Variants in PTPRD observed in about 807,000 individuals in gnomAD.
The protein encoded by PTPRD is receptor-type tyrosine-protein phosphatase delta.
In PTPRD, 34 loss-of-function variants were observed where a neutral mutation model predicts 214.5. The observed-to-expected ratio is 0.16, with a 90% CI of 0.12 to 0.21. The LOEUF (loss-of-function observed/expected upper bound fraction) is 0.21. Ranked by LOEUF, PTPRD falls within the 10% of genes least tolerant of loss-of-function variation. The pLI is 1.00. For synonymous variants in PTPRD, 1,128 were observed against 845.7 expected, an observed-to-expected ratio of 1.33 and a Z score of -5.79; for missense variants, 2,545 against 2,398.7, an observed-to-expected ratio of 1.06 and a Z score of -1.27.
chr9:8,823,482 C>G, intron 11 of PTPRD, among the ~76,000 whole-genome samples: 1 of 152,156 alleles, frequency 6.6e-6, no homozygotes, highest in Non-Finnish European at 1.5e-5. Context: ...CCTTCCCCAT[C>G]TCAAGAAATC....
At chr9:9,595,443 C>T (rs1263363048) in intron 7 of PTPRD, among the ~76,000 whole-genome samples, 5 of 149,310 alleles carry the variant, frequency 3.3e-5, no homozygotes, top group Non-Finnish European at 7.4e-5. Flanking sequence ...CACGTGTACA[C>T]ATGCATACAC....
intron 4 of PTPRD, among the ~76,000 whole-genome samples, chr9:10,003,852 T>C (rs1205479670): frequency 6.6e-6 from 1 of 151,740 alleles, no homozygotes; most frequent in Non-Finnish European, 1.5e-5. Context: ...TTTAATACCC[T>C]AATGGCCAAA....
chr9:10,181,227 G>C (rs988990793), intron 3 of PTPRD, among the ~76,000 whole-genome samples: 1 of 152,038 alleles, frequency 6.6e-6, no homozygotes, highest in Non-Finnish European at 1.5e-5. Context: ...AATTTTATAT[G>C]AGCAATTTTC....
rs75711795 is a variant in PTPRD, at chr9:8,625,623, A to G, written c.352+7694T>C. Among the ~76,000 whole-genome samples the G allele has an allele frequency of 9.4e-3, 1,428 of 151,846 alleles. 15 individuals carry two copies. The highest frequency in any genetic ancestry group is 0.043 in the East Asian group (222 of 5,142). On this transcript the variant is annotated intron_variant, in intron 14 of 45. Coordinates refer to ENST00000381196, the MANE Select transcript of PTPRD (RefSeq NM_002839.4). ...CAGACATCATCAGACATGTGAGAAA[A>G]ATCTCAATAGTGCTACACTTATGAC...
chr9:8,464,591 T>C (rs555032552), intron 32 of PTPRD, among the ~76,000 whole-genome samples: 2 of 152,056 alleles, frequency 1.3e-5, no homozygotes, highest in Admixed American at 1.3e-4. Context: ...CTGGCTCAAC[T>C]GGGTTGCCAC....
intron 3 of PTPRD, among the ~76,000 whole-genome samples, chr9:10,035,415 G>A (rs998156307): frequency 6.6e-6 from 1 of 151,958 alleles, no homozygotes; most frequent in African/African-American, 2.4e-5. Context: ...TTCTTTTGCT[G>A]TGCAGAAGCT....
At chr9:9,658,619 G>T (rs917791702) in intron 7 of PTPRD, among the ~76,000 whole-genome samples, 2 of 152,062 alleles carry the variant, frequency 1.3e-5, no homozygotes, top group African/African-American at 2.4e-5. Context: ...TCTTTTATTG[G>T]CAGAGAAGGT....
chr9:8,964,990 T>C (rs1203500962), intron 11 of PTPRD, among the ~76,000 whole-genome samples: 9 of 152,078 alleles, frequency 5.9e-5, no homozygotes, highest in Admixed American at 5.9e-4. Flanking sequence ...CTTGGGGTAA[T>C]TCCTTGTGAA....
At chr9:9,904,782 A>T (rs2077171448) in intron 5 of PTPRD, among the ~76,000 whole-genome samples, 1 of 152,118 alleles carries the variant, frequency 6.6e-6, no homozygotes, top group Admixed American at 6.6e-5. Context: ...TATTTGGAAA[A>T]TAGATGACAT....
chr9:8,727,300 T>C (rs1450149894), intron 12 of PTPRD, among the ~76,000 whole-genome samples: 2 of 152,228 alleles, frequency 1.3e-5, no homozygotes, highest in African/African-American at 4.8e-5. Flanking sequence ...AGTCTTAATC[T>C]TACTAGGTAG....
chr9:8,762,329 T>C (rs62528803), intron 11 of PTPRD, among the ~76,000 whole-genome samples: 16,443 of 152,174 alleles, frequency 0.11, 999 homozygotes, highest in Non-Finnish European at 0.13. Context: ...GAAGCACCCT[T>C]ATTGTTAGGA....
intron 2 of PTPRD, among the ~76,000 whole-genome samples, chr9:10,490,475 T>C (rs980181902): frequency 1.3e-5 from 2 of 152,200 alleles, no homozygotes; most frequent in Non-Finnish European, 2.9e-5. Flanking sequence ...TTACATGCCC[T>C]ACTTTTATAG....
At chr9:9,409,365 G>C (rs560297984) in intron 8 of PTPRD, among the ~76,000 whole-genome samples, 15 of 151,850 alleles carry the variant, frequency 9.9e-5, no homozygotes, top group African/African-American at 3.6e-4. Flanking sequence ...ATTTTACCTT[G>C]AGTTTCTCCA....
At chr9:9,468,754 G>C (rs138857069) in intron 8 of PTPRD, among the ~76,000 whole-genome samples, 2,945 of 152,040 alleles carry the variant, frequency 0.019, 96 homozygotes, top group African/African-American at 0.067. Context: ...ATTGAAAAAT[G>C]GTTTGGTTAT....
chr9:8,351,172 T>C (rs866601463), intron 39 of PTPRD, among the ~76,000 whole-genome samples: 2 of 152,280 alleles, frequency 1.3e-5, no homozygotes, highest in African/African-American at 4.8e-5. Flanking sequence ...CTCTCCAAAA[T>C]AGCATCTAAG....
chr9:9,195,383 T>C lies in PTPRD; in HGVS notation c.-202-12020A>G, dbSNP rs75432420. On this transcript the variant is annotated intron_variant, in intron 9 of 45. Coordinates refer to ENST00000381196, the MANE Select transcript of PTPRD (RefSeq NM_002839.4). ...AAAGGATGAAACATGCTTTGGGTGA[T>C]AGAAACTGTGTTCACTATCAACAGA... Among the ~76,000 whole-genome samples, 331 of 152,176 alleles carry C rather than the reference T, an allele frequency of 2.2e-3. 8 individuals carry two copies. In the East Asian group the frequency reaches 0.056, roughly 26 times the overall value.
intron 3 of PTPRD, among the ~76,000 whole-genome samples, chr9:10,173,724 C>T (rs553866022): frequency 1.7e-4 from 26 of 151,896 alleles, no homozygotes; most frequent in Non-Finnish European, 3.2e-4. Context: ...GATGCATGTG[C>T]TTGTGCAGCT....
chr9:8,730,021 C>A (rs1388806637), intron 12 of PTPRD, among the ~76,000 whole-genome samples: 2 of 152,272 alleles, frequency 1.3e-5, no homozygotes, highest in Admixed American at 6.5e-5. Context: ...CTTTGGGAGG[C>A]CAAGATGGGT....
intron 3 of PTPRD, among the ~76,000 whole-genome samples, chr9:10,257,579 T>C (rs552875460): frequency 2.0e-4 from 31 of 152,364 alleles, no homozygotes; most frequent in African/African-American, 7.2e-4. Context: ...GCTGACTTCC[T>C]AAATCAAAAT....
Sources: gnomAD v4.1 joint callset for allele counts (sites outside exome capture counted in the v4.1 genomes callset) on GRCh38, gnomAD v4.1.1 for gene constraint, MANE v1.5 for transcripts, NCBI Gene and HGNC (gene_info 2026-07-23, HGNC 2026-07-21) for gene names.